Variants in CTIF observed in about 807,000 individuals in gnomAD.
CTIF encodes the protein CBP80/20-dependent translation initiation factor.
In CTIF, 21 loss-of-function variants were observed where a neutral mutation model predicts 66.0. The ratio of observed to expected loss-of-function variants is 0.32; its 90% CI spans 0.23 to 0.46. The LOEUF (loss-of-function observed/expected upper bound fraction) is 0.46. Ranked by LOEUF, CTIF falls within the 20% of genes least tolerant of loss-of-function variation. The probability of loss-of-function intolerance (pLI) is 1.00; values close to 1 mark genes in which losing one functional copy is unlikely to be tolerated. For missense variants in CTIF, 739 were observed against 812.7 expected (o/e 0.91, Z 1.10); for synonymous variants, 345 against 326.4 (o/e 1.06, Z -0.62).
chr18:48,580,083 T>TG (rs1187972088), intron 1 of CTIF, among the ~76,000 whole-genome samples: 1 of 152,208 alleles, frequency 6.6e-6, no homozygotes. Context: ...ATAAAAGAGC[T>TG]GGTTGCTTGG....
intron 10 of CTIF, among the ~76,000 whole-genome samples, chr18:48,836,896 G>A (rs577634633): frequency 7.2e-5 from 11 of 152,320 alleles, no homozygotes; most frequent in Non-Finnish European, 1.2e-4. Context: ...AGAGGGCGCC[G>A]GGGCCCAGTG....
intron 10 of CTIF, among the ~76,000 whole-genome samples, chr18:48,821,312 A>G (rs1011940943): frequency 1.3e-5 from 2 of 152,212 alleles, no homozygotes; most frequent in Admixed American, 1.3e-4. Context: ...CTCCATCTCA[A>G]TCGAGTGCCT....
intron 10 of CTIF, among the ~76,000 whole-genome samples, chr18:48,819,232 T>C (rs2068431866): frequency 6.6e-6 from 1 of 152,252 alleles, no homozygotes; most frequent in Non-Finnish European, 1.5e-5. Context: ...TCAAAGTGCC[T>C]TGAGCTCAGA....
chr18:48,744,511 A>G (rs781219822), intron 7 of CTIF, among the ~76,000 whole-genome samples: 11 of 152,142 alleles, frequency 7.2e-5, no homozygotes, highest in Non-Finnish European at 1.2e-4. Context: ...TCCATCACCC[A>G]GTTTCCTGTG....
rs141343336 is a variant in CTIF, at chr18:48,643,081, C to T, written c.252+6396C>T. Among the ~76,000 whole-genome samples, 10 of 152,260 alleles carry T rather than the reference C, an allele frequency of 6.6e-5. No individual in the cohort carries two copies. The East Asian group carries it at 9.7e-4, about 15-fold the overall frequency. On this transcript the variant is annotated intron_variant, in intron 3 of 11. Transcript: ENST00000256413. ...TGCCCTATCTCTAGTAGCAGCTTCC[C>T]GGAGGCTGGGGCTGAACTTTTCTTT...
chr18:48,739,496 C>T (rs2092536215), intron 7 of CTIF, among the ~76,000 whole-genome samples: 1 of 152,238 alleles, frequency 6.6e-6, no homozygotes, highest in Non-Finnish European at 1.5e-5. Context: ...CTGGCCCTGG[C>T]TCTGCCCTTG....
At position 48,761,735 on chromosome 18, in the gene CTIF, G is replaced by T; in HGVS notation, c.1371+46G>T. 1 of 1,558,000 alleles carries T rather than the reference G, an allele frequency of 6.4e-7. No individual in the cohort carries two copies. The highest frequency in any genetic ancestry group is 8.7e-7 in the Non-Finnish European group (1 of 1,142,860). ...ACCGCCCCGCGCCCCCTGCCCCTCT[G>T]CGTTCGGTGAGTTATTCCTAGCGAG... On this transcript the variant is annotated intron_variant, in intron 9 of 11. Transcript: ENST00000256413. This position sits in a 1 kb window ranked among gnomAD's most constrained non-coding sequence, Gnocchi z 4.2.
At chr18:48,741,724 C>T (rs559537055) in intron 7 of CTIF, among the ~76,000 whole-genome samples, 6 of 152,216 alleles carry the variant, frequency 3.9e-5, no homozygotes, top group African/African-American at 9.6e-5. Context: ...CATGCCCGGC[C>T]GACCAAGGCC....
At chr18:48,806,620 G>A (rs772316282) in intron 9 of CTIF, among the ~76,000 whole-genome samples, 2 of 152,128 alleles carry the variant, frequency 1.3e-5, no homozygotes, top group African/African-American at 2.4e-5. Flanking sequence ...CTTGTGCCTC[G>A]ACTACCCCCA....
At chr18:48,614,400 A>C (rs1439334542) in intron 1 of CTIF, among the ~76,000 whole-genome samples, 1 of 152,218 alleles carries the variant, frequency 6.6e-6, no homozygotes, top group Non-Finnish European at 1.5e-5. Context: ...ATCGTTGTAC[A>C]CTCATATTCA....
chr18:48,626,000 C>CTTTTTTTTTTTT (rs74174709), intron 2 of CTIF, among the ~76,000 whole-genome samples: 14 of 109,136 alleles, frequency 1.3e-4, no homozygotes, highest in Non-Finnish European at 1.8e-4. Flanking sequence ...CTTTTTCTTT[C>CTTTTTTTTTTTT]TTTTTTTTTT....
chr18:48,663,893 G>A (rs375182568), intron 4 of CTIF, 68 bp downstream of exon 4: 2 of 1,363,678 alleles, frequency 1.5e-6, no homozygotes, highest in Non-Finnish European at 1.1e-6. Context: ...CCTTGGGGAC[G>A]GAATGAACGC....
intron 6 of CTIF, among the ~76,000 whole-genome samples, chr18:48,680,788 G>C (rs917696299): frequency 1.3e-5 from 2 of 152,230 alleles, no homozygotes; most frequent in African/African-American, 4.8e-5. Context: ...CCGGGGCTTG[G>C]GGGAAGAGGA....
In CTIF at chr18:48,734,639, G is replaced by C. The variant is rs1022191072; in HGVS notation, c.584+22944G>C. Among the ~76,000 whole-genome samples the C allele has an allele frequency of 2.0e-5, 3 of 152,188 alleles. No individual in the cohort carries two copies. The East Asian group carries it at 5.8e-4, about 29-fold the overall frequency. On this transcript the variant is annotated intron_variant, in intron 7 of 11. Transcript: ENST00000256413. ...TCATTTGCATCCTGTTCATCATCAC[G>C]GCAACATTCTGGGAGAGAAAGGGAA...
rs535301715 is a variant in CTIF, at chr18:48,626,505, G to A, written c.180+6760G>A. 2.0e-4 allele frequency among the ~76,000 whole-genome samples: 30 copies of A among 151,516 alleles called. No individual in the cohort carries two copies. The East Asian group carries it at 3.3e-3, about 17-fold the overall frequency. ...TGGGATTACAGGCGTGTGCTACCACGCCTGGCTAATTTTTTGTATTTTTAG... is the reference window on the plus strand; with the variant it reads ...TGGGATTACAGGCGTGTGCTACCACACCTGGCTAATTTTTTGTATTTTTAG... On this transcript the variant is annotated intron_variant, in intron 2 of 11. Coordinates refer to ENST00000256413, the MANE Select transcript of CTIF (RefSeq NM_014772.3).
At chr18:48,549,003 T>C (rs2088821425) in intron 1 of CTIF, among the ~76,000 whole-genome samples, 1 of 151,926 alleles carries the variant, frequency 6.6e-6, no homozygotes, top group African/African-American at 2.4e-5. Context: ...TTTTTTCCAA[T>C]GGATAATCAT....
At chr18:48,678,855 C>T (rs937748437) in intron 6 of CTIF, among the ~76,000 whole-genome samples, 2 of 152,138 alleles carry the variant, frequency 1.3e-5, no homozygotes, top group Admixed American at 6.5e-5. Flanking sequence ...ATCCAGGCCA[C>T]GGCTAGGATT....
intron 10 of CTIF, among the ~76,000 whole-genome samples, chr18:48,833,414 C>T (rs553497577): frequency 1.3e-5 from 2 of 150,510 alleles, no homozygotes; most frequent in Non-Finnish European, 3.0e-5. Context: ...AGTGTGGGCT[C>T]GGAGGTCCTG....
At chr18:48,756,610 C>T (rs566870457) in intron 7 of CTIF, among the ~76,000 whole-genome samples, 27 of 152,138 alleles carry the variant, frequency 1.8e-4, no homozygotes, top group African/African-American at 6.3e-4. Context: ...ACAACCTTTG[C>T]AGAATTCATG....
Sources: gnomAD v4.1 joint callset for allele counts (sites outside exome capture counted in the v4.1 genomes callset) on GRCh38, gnomAD v4.1.1 for gene constraint, Gnocchi (gnomAD v3.1) non-coding constraint, MANE v1.5 for transcripts, NCBI Gene and HGNC (gene_info 2026-07-23, HGNC 2026-07-21) for gene names.